ASB5: variants seen among roughly 807,000 people sequenced by gnomAD.
ASB5 encodes ankyrin repeat and SOCS box containing 5.
In ASB5, 45 loss-of-function variants were observed where a neutral mutation model predicts 42.1. That is an observed-to-expected ratio of 1.07 (90% CI 0.84 to 1.37). The LOEUF (loss-of-function observed/expected upper bound fraction) is 1.37. Ranked by LOEUF, ASB5 falls within the 40% of genes most tolerant of loss-of-function variation. The probability of loss-of-function intolerance (pLI) is 0.00; values close to 1 mark genes in which losing one functional copy is unlikely to be tolerated. For missense variants in ASB5, 402 were observed against 399.8 expected (o/e 1.01, Z -0.05); for synonymous variants, 147 against 150.6 (o/e 0.98, Z 0.18).
chr4:176,275,809 A>C (rs930520364), exon 2 of ASB5: 3 of 152,130 alleles, frequency 2.0e-5, no homozygotes, highest in African/African-American at 2.4e-5. Flanking sequence ...GAAATTGGGA[A>C]CCTGTCAGCT....
At chr4:176,250,592 TAAAG>T (rs1754013532) in intron 1 of ASB5, among the ~76,000 whole-genome samples, 1 of 152,122 alleles carries the variant, frequency 6.6e-6, no homozygotes. Flanking sequence ...ATTTTGCAGA[TAAAG>T]AAACAGGTCG....
intron 1 of ASB5, among the ~76,000 whole-genome samples, chr4:176,228,374 G>A (rs1753435893): frequency 6.6e-6 from 1 of 152,176 alleles, no homozygotes; most frequent in African/African-American, 2.4e-5. Context: ...ATACGTCCCT[G>A]AAATGATAGA....
intron 1 of ASB5, chr4:176,277,153 G>C (rs943806956): frequency 6.6e-5 from 10 of 152,192 alleles, no homozygotes; most frequent in African/African-American, 2.4e-4. Flanking sequence ...CCCGCAACTG[G>C]TGAGCCCCTG....
At chr4:176,233,071 A>T (rs111504511) in intron 1 of ASB5, among the ~76,000 whole-genome samples, 1,998 of 152,306 alleles carry the variant, frequency 0.013, 43 homozygotes, top group African/African-American at 0.045. Context: ...TACCTGCCTC[A>T]CTGAATTGTA....
chr4:176,222,183 A>G (rs1332737001), intron 3 of ASB5, 130 bp downstream of exon 3: 9 of 807,042 alleles, frequency 1.1e-5, no homozygotes, highest in Non-Finnish European at 1.7e-5. Context: ...TAAGGAATTC[A>G]AGAGCTTTAT....
At chr4:176,239,705 T>G (rs1753771136) in intron 1 of ASB5, among the ~76,000 whole-genome samples, 1 of 152,174 alleles carries the variant, frequency 6.6e-6, no homozygotes, top group Admixed American at 6.6e-5. Context: ...GAAGGCTTTC[T>G]GTAGTCCTCG....
chr4:176,252,758 T>A (rs551926687), intron 1 of ASB5, among the ~76,000 whole-genome samples: 8 of 152,298 alleles, frequency 5.3e-5, no homozygotes, highest in Admixed American at 4.6e-4. Flanking sequence ...AGAAACAAAA[T>A]CTCACAAATG....
At chr4:176,261,816 C>A (rs555593702) in intron 1 of ASB5, among the ~76,000 whole-genome samples, 1 of 152,054 alleles carries the variant, frequency 6.6e-6, no homozygotes, top group Non-Finnish European at 1.5e-5. Context: ...TGTTTGGCTC[C>A]GCTCATCCAA....
intron 1 of ASB5, among the ~76,000 whole-genome samples, chr4:176,255,645 G>A (rs1395049613): frequency 6.6e-6 from 1 of 152,200 alleles, no homozygotes; most frequent in South Asian, 2.1e-4. Context: ...ACTTATAAGT[G>A]GGAGCTAAAC....
chr4:176,223,752 C>T (rs1417228138), intron 2 of ASB5, among the ~76,000 whole-genome samples: 2 of 152,154 alleles, frequency 1.3e-5, no homozygotes, highest in African/African-American at 4.8e-5. Context: ...GTCAGAAGCA[C>T]CTGAGAAGGC....
intron 1 of ASB5, among the ~76,000 whole-genome samples, chr4:176,226,106 A>G (rs1383810369): frequency 6.6e-6 from 1 of 152,216 alleles, no homozygotes; most frequent in Non-Finnish European, 1.5e-5. Flanking sequence ...AGAATGGGTA[A>G]AGCATTGCTT....
intron 5 of ASB5, among the ~76,000 whole-genome samples, chr4:176,217,743 T>C (rs1205757672): frequency 6.6e-6 from 1 of 152,110 alleles, no homozygotes; most frequent in African/African-American, 2.4e-5. Context: ...GCATTTGCAA[T>C]AAATAAATGC....
At chr4:176,241,605 G>A (rs895011878) in intron 1 of ASB5, 94 of 1,412,620 alleles carry the variant, frequency 6.7e-5, no homozygotes, top group Non-Finnish European at 8.0e-5. Context: ...CCCAGTTCTT[G>A]CTCCATTTTA....
chr4:176,217,138 G>T, intron 5 of ASB5, 129 bp from the exon 6 acceptor site: 1 of 705,652 alleles, frequency 1.4e-6, no homozygotes, highest in Non-Finnish European at 2.4e-6. Context: ...TATTTGTTAT[G>T]AGTTATTTCT....
intron 1 of ASB5, chr4:176,241,462 C>T: frequency 2.6e-6 from 4 of 1,534,220 alleles, no homozygotes; most frequent in Non-Finnish European, 3.5e-6. Flanking sequence ...TTTCTTTTAC[C>T]TGTTACTGCC....
In ASB5 at chr4:176,215,689, T is replaced by C; in HGVS notation, c.901A>G (p.Ile301Val). 1 of 1,613,076 alleles carries C rather than the reference T, an allele frequency of 6.2e-7. No individual in the cohort carries two copies. Among genetic ancestry groups the C allele is most frequent in the South Asian group, 1.1e-5 (1 of 91,024 alleles). The change falls in exon 7 of 7, where the codon ATC becomes GTC. Residue 301 changes from isoleucine (I) to valine (V), a missense_variant. Transcript: ENST00000296525. ...CTTGGTTTTCCTATGTAGCTTCGGA[T>C]ACAGAGTCGGCAAAGTTGGTAAAGA... ...SSLYQLCRLC[I>V]RSYIGKPRLH...
chr4:176,250,572 T>A (rs1487057629), intron 1 of ASB5, among the ~76,000 whole-genome samples: 1 of 152,140 alleles, frequency 6.6e-6, no homozygotes, highest in Non-Finnish European at 1.5e-5. Flanking sequence ...TGATCCCGTC[T>A]AACTCCTTCA....
At chr4:176,232,573 T>C (rs577301384) in intron 1 of ASB5, among the ~76,000 whole-genome samples, 21 of 152,296 alleles carry the variant, frequency 1.4e-4, no homozygotes, top group South Asian at 8.3e-4. Flanking sequence ...GTGTATACAG[T>C]ATAAGCTTCA....
At chr4:176,222,240 A>T in intron 3 of ASB5, 73 bp downstream of exon 3, 1 of 1,358,192 alleles carries the variant, frequency 7.4e-7, no homozygotes, top group Non-Finnish European at 1.0e-6. Context: ...AGGAAAGAAA[A>T]GTAAAATGAG....
Sources: gnomAD v4.1 joint callset for allele counts (sites outside exome capture counted in the v4.1 genomes callset) on GRCh38, gnomAD v4.1.1 for gene constraint, MANE v1.5 for transcripts, NCBI Gene and HGNC (gene_info 2026-07-23, HGNC 2026-07-21) for gene names.